PLCL2: variants seen among roughly 807,000 people sequenced by gnomAD.
PLCL2 encodes inactive phospholipase C-like protein 2.
PLCL2 carries 4 observed loss-of-function variants against 79.6 expected under a neutral mutation model. The observed-to-expected ratio is 0.05, with a 90% confidence interval of 0.02 to 0.11. The LOEUF (loss-of-function observed/expected upper bound fraction) is 0.11, where lower values mean the gene tolerates loss of function less well. PLCL2 is among the 10% of genes least tolerant of loss of function. PLCL2 has a pLI of 1.00. For missense variants in PLCL2, 895 were observed against 1,291.0 expected (o/e 0.69, Z 4.70); for synonymous variants, 484 against 457.7 (o/e 1.06, Z -0.73).
At chr3:17,012,677 A>G (rs916242184) in intron 2 of PLCL2, among the ~76,000 whole-genome samples, 1 of 152,274 alleles carries the variant, frequency 6.6e-6, no homozygotes, top group Non-Finnish European at 1.5e-5. Flanking sequence ...TAATTCTGTA[A>G]GTAAAAGAGA....
chr3:16,958,003 T>C (rs1047689359), intron 1 of PLCL2, among the ~76,000 whole-genome samples: 2 of 152,230 alleles, frequency 1.3e-5, no homozygotes, highest in Admixed American at 6.5e-5. Context: ...CTGTGTCTTT[T>C]AATTGGAGCA....
intron 1 of PLCL2, among the ~76,000 whole-genome samples, chr3:16,899,746 A>C (rs565945847): frequency 6.6e-6 from 1 of 151,854 alleles, no homozygotes; most frequent in Non-Finnish European, 1.5e-5. Context: ...AGTTTTTGCT[A>C]TTTTGCTGTT....
chr3:16,982,005 T>G (rs1244672061), intron 1 of PLCL2, among the ~76,000 whole-genome samples: 1 of 152,194 alleles, frequency 6.6e-6, no homozygotes, highest in African/African-American at 2.4e-5. Flanking sequence ...TCTTTGTAAG[T>G]AGGCTGGGTA....
chr3:16,916,180 CAG>C lies in PLCL2; in HGVS notation c.327+30817_327+30818del, dbSNP rs144893317. The stretch of plus-strand genomic sequence containing the variant: ...TCAGTAAACCTGCCACACTGTGGAA[CAG>C]AGGTTTGGGGAAGAATGTGGAATGT... On this transcript the variant is annotated intron_variant, in intron 1 of 5. Coordinates refer to ENST00000615277, the MANE Select transcript of PLCL2 (RefSeq NM_001144382.2). Among the ~76,000 whole-genome samples the C allele has an allele frequency of 7.1e-3, 1,081 of 152,234 alleles. 18 individuals are homozygous for C. Among genetic ancestry groups the C allele is most frequent in the African/African-American group, 0.024 (983 of 41,542 alleles).
intron 1 of PLCL2, among the ~76,000 whole-genome samples, chr3:16,982,535 G>T (rs2064010081): frequency 6.6e-6 from 1 of 152,182 alleles, no homozygotes; most frequent in African/African-American, 2.4e-5. Context: ...CAAGATTTTT[G>T]AATTGAGAAG....
chr3:16,899,214 C>T (rs1230599806), intron 1 of PLCL2, among the ~76,000 whole-genome samples: 1 of 152,204 alleles, frequency 6.6e-6, no homozygotes, highest in Non-Finnish European at 1.5e-5. Flanking sequence ...GGAAACAACA[C>T]CAGCAGACAG....
In PLCL2 at chr3:17,009,836, T is replaced by C. The variant is rs7653834; in HGVS notation, c.490T>C (p.Leu164=). The C allele has an allele frequency of 0.34, 545,946 of 1,612,782 alleles. 96,466 individuals carry two copies. Among genetic ancestry groups the C allele is most frequent in the East Asian group, 0.53 (23,962 of 44,814 alleles). ...SNSRIYHRYF[L]LDADMQSLRW... ...CTCTAGAATTTATCATAGGTACTTT[T>C]TACTGGATGCTGACATGCAGAGCCT... Residue 164 remains leucine, a synonymous_variant, in exon 2 of 6, where the codon TTA becomes CTA. Transcript: ENST00000615277. This position sits in a 1 kb window ranked among gnomAD's most constrained non-coding sequence, Gnocchi z 4.0.
chr3:16,985,125 G>A (rs1159871523), intron 1 of PLCL2, among the ~76,000 whole-genome samples: 2 of 152,074 alleles, frequency 1.3e-5, no homozygotes, highest in Non-Finnish European at 2.9e-5. Context: ...GTTCAAGTAT[G>A]TAGTAGCTTG....
intron 4 of PLCL2, among the ~76,000 whole-genome samples, chr3:17,046,546 G>A (rs754699541): frequency 3.3e-5 from 5 of 152,050 alleles, no homozygotes; most frequent in African/African-American, 1.2e-4. Flanking sequence ...TTCTCTGGAG[G>A]AGGAAAAAAA....
At chr3:17,025,941 G>A (rs563943378) in intron 3 of PLCL2, among the ~76,000 whole-genome samples, 8 of 152,298 alleles carry the variant, frequency 5.3e-5, no homozygotes, top group South Asian at 2.1e-4. Flanking sequence ...AGCAGCGCAC[G>A]TGTCTGGAGG....
chr3:16,962,953 A>G (rs1333149137), intron 1 of PLCL2, among the ~76,000 whole-genome samples: 2 of 152,158 alleles, frequency 1.3e-5, no homozygotes, highest in African/African-American at 4.8e-5. Context: ...CAAACTTAAA[A>G]AAGGTAATGG....
At chr3:16,900,862 C>A (rs1020677354) in intron 1 of PLCL2, among the ~76,000 whole-genome samples, 1 of 152,222 alleles carries the variant, frequency 6.6e-6, no homozygotes. Flanking sequence ...TACCTTCTCA[C>A]ATTTTATACG....
intron 1 of PLCL2, among the ~76,000 whole-genome samples, chr3:16,903,222 A>G (rs1444898393): frequency 6.6e-6 from 1 of 152,216 alleles, no homozygotes. Flanking sequence ...CCTGGTATCC[A>G]TGATTAATAA....
At chr3:16,966,336 G>T (rs989936155) in intron 1 of PLCL2, among the ~76,000 whole-genome samples, 1 of 151,976 alleles carries the variant, frequency 6.6e-6, no homozygotes, top group Non-Finnish European at 1.5e-5. Context: ...ATTTGCGTAT[G>T]TTGAACCAGC....
chr3:16,937,731 G>A (rs1183438952), intron 1 of PLCL2, among the ~76,000 whole-genome samples: 2 of 152,154 alleles, frequency 1.3e-5, no homozygotes, highest in Middle Eastern at 3.2e-3. Context: ...GAAATTAGTG[G>A]TGTGTGTTTT....
intron 1 of PLCL2, among the ~76,000 whole-genome samples, chr3:16,915,210 C>T (rs1029852730): frequency 3.3e-5 from 5 of 152,176 alleles, no homozygotes; most frequent in Non-Finnish European, 5.9e-5. Flanking sequence ...AGTGAACATT[C>T]TTCTCGCTAT....
At chr3:17,063,199 A>C (rs974729188) in intron 4 of PLCL2, among the ~76,000 whole-genome samples, 1 of 117,484 alleles carries the variant, frequency 8.5e-6, no homozygotes, top group Non-Finnish European at 1.8e-5. Flanking sequence ...ATCAACAAAA[A>C]ACACTTGTGT....
chr3:17,039,726 C>T (rs1393962950), intron 3 of PLCL2, among the ~76,000 whole-genome samples: 1 of 152,148 alleles, frequency 6.6e-6, no homozygotes, highest in Non-Finnish European at 1.5e-5. Context: ...CTGGAATTCC[C>T]CTCTAATACA....
chr3:17,057,269 C>G (rs57955299), intron 4 of PLCL2, among the ~76,000 whole-genome samples: 20,658 of 152,106 alleles, frequency 0.14, 1,669 homozygotes, highest in African/African-American at 0.22. Context: ...TCATTTTTAA[C>G]TCAGCATTTC....
Sources: allele counts gnomAD v4.1 joint callset (sites outside exome capture counted in the v4.1 genomes callset), GRCh38; gene constraint gnomAD v4.1.1; non-coding constraint Gnocchi (gnomAD v3.1); transcripts MANE v1.5; gene names NCBI Gene and HGNC (gene_info 2026-07-23, HGNC 2026-07-21).